The following ATP8A2 variants were observed in gnomAD, a reference collection of about 807,000 sequenced individuals.
The protein encoded by ATP8A2 is phospholipid-transporting ATPase IB.
ATP8A2 carries 100 observed loss-of-function variants against 165.6 expected under a neutral mutation model. That is an observed-to-expected ratio of 0.60 (90% CI 0.51 to 0.71). ATP8A2 has a LOEUF of 0.71. ATP8A2 is among the 30% of genes least tolerant of loss of function. ATP8A2 has a pLI of 0.00. For missense variants in ATP8A2, 1,227 were observed against 1,479.5 expected (o/e 0.83, Z 2.80); for synonymous variants, 543 against 548.8 (o/e 0.99, Z 0.15).
Position 25,401,921 on chromosome 13 carries a change from A to C in ATP8A2, c.76+29633A>C, listed in dbSNP as rs191971820. ...GCCCAGGCTGGAGTGCAGTGGCATG[A>C]TCATAGCTCTCTATAGCCTTGAACT... On this transcript the variant is annotated intron_variant, in intron 1 of 36. Transcript: ENST00000381655. Among the ~76,000 whole-genome samples the C allele has an allele frequency of 2.0e-4, 30 of 152,218 alleles. No homozygotes were observed. In the East Asian group the frequency reaches 5.8e-3, roughly 29 times the overall value.
At chr13:25,601,817 G>T (rs1020958936) in intron 24 of ATP8A2, among the ~76,000 whole-genome samples, 3 of 152,142 alleles carry the variant, frequency 2.0e-5, no homozygotes, top group Non-Finnish European at 4.4e-5. Flanking sequence ...CAAAATGTGG[G>T]TCACATATTT....
intron 30 of ATP8A2, among the ~76,000 whole-genome samples, chr13:25,844,238 T>C (rs371102383): frequency 0.012 from 718 of 61,846 alleles, 7 homozygotes; most frequent in African/African-American, 0.03. Context: ...TTATTACACT[T>C]TTTTTTTTTT....
intron 6 of ATP8A2, among the ~76,000 whole-genome samples, chr13:25,534,529 T>TG (rs1182417112): frequency 6.6e-6 from 1 of 152,196 alleles, no homozygotes; most frequent in East Asian, 1.9e-4. Flanking sequence ...AATGGAGTGA[T>TG]GGTCTCTAAT....
intron 2 of ATP8A2, among the ~76,000 whole-genome samples, chr13:25,490,570 G>C (rs12870253): frequency 6.6e-6 from 1 of 152,020 alleles, no homozygotes. Context: ...GTCTGCCTGA[G>C]GTGCAGGCAA....
At chr13:25,819,122 T>C (rs111822858) in intron 27 of ATP8A2, among the ~76,000 whole-genome samples, 261 of 152,298 alleles carry the variant, frequency 1.7e-3, no homozygotes, top group Non-Finnish European at 2.9e-3. Context: ...TACAAATGTA[T>C]GTAAACATAC....
intron 24 of ATP8A2, among the ~76,000 whole-genome samples, chr13:25,653,793 A>G (rs1215323404): frequency 6.6e-6 from 1 of 152,190 alleles, no homozygotes; most frequent in Non-Finnish European, 1.5e-5. Flanking sequence ...GAGAAGCCAA[A>G]TGAAATCTGT....
At chr13:25,969,598 AT>A (rs1368327180) in intron 35 of ATP8A2, among the ~76,000 whole-genome samples, 2 of 152,342 alleles carry the variant, frequency 1.3e-5, no homozygotes, top group African/African-American at 2.4e-5. Flanking sequence ...AGACAAAATA[AT>A]TTTTTTGTTA....
chr13:25,831,874 C>A (rs1356410676), intron 28 of ATP8A2, among the ~76,000 whole-genome samples: 1 of 152,010 alleles, frequency 6.6e-6, no homozygotes, highest in African/African-American at 2.4e-5. Context: ...AAACAGGCTT[C>A]TTCCTAAGTA....
intron 29 of ATP8A2, 106 bp downstream of exon 29, chr13:25,837,391 A>C: frequency 7.8e-7 from 1 of 1,276,190 alleles, no homozygotes; most frequent in Non-Finnish European, 1.1e-6. Context: ...ACATTTGAGA[A>C]GTGCTGAAAA....
chr13:25,882,926 A>ATGG (rs1491145472), intron 33 of ATP8A2, among the ~76,000 whole-genome samples: 1 of 138,736 alleles, frequency 7.2e-6, no homozygotes, highest in Non-Finnish European at 1.5e-5. Flanking sequence ...GATGATGATG[A>ATGG]TGATGATGAT....
At chr13:25,836,241 GAC>G (rs1438329408) in intron 28 of ATP8A2, among the ~76,000 whole-genome samples, 1 of 152,102 alleles carries the variant, frequency 6.6e-6, no homozygotes, top group Admixed American at 6.5e-5. Context: ...TTAGTTTGAT[GAC>G]ACAGCTCTTA....
intron 25 of ATP8A2, among the ~76,000 whole-genome samples, chr13:25,759,559 A>G (rs761921760): frequency 3.3e-5 from 5 of 152,200 alleles, no homozygotes; most frequent in Non-Finnish European, 7.3e-5. Flanking sequence ...CGCTCCTGAG[A>G]GGGTCTTGGG....
chr13:25,817,100 C>A (rs558791886), intron 27 of ATP8A2, among the ~76,000 whole-genome samples: 116 of 152,212 alleles, frequency 7.6e-4, no homozygotes, highest in African/African-American at 2.8e-3. Flanking sequence ...CATTAATGAA[C>A]GACAGCAGAT....
At chr13:25,968,762 A>C in intron 35 of ATP8A2, 83 bp downstream of exon 35, 2 of 1,197,852 alleles carry the variant, frequency 1.7e-6, no homozygotes, top group Non-Finnish European at 2.4e-6. Context: ...TCTTTTTCTC[A>C]TCTTGGTTTT....
intron 25 of ATP8A2, among the ~76,000 whole-genome samples, chr13:25,713,041 T>G (rs2043186378): frequency 6.6e-6 from 1 of 152,230 alleles, no homozygotes; most frequent in African/African-American, 2.4e-5. Context: ...TAACTTGATT[T>G]ATCTTGTCTC....
intron 24 of ATP8A2, among the ~76,000 whole-genome samples, chr13:25,614,380 A>T (rs2040767674): frequency 6.6e-6 from 1 of 151,428 alleles, no homozygotes; most frequent in African/African-American, 2.4e-5. Context: ...TTTTTTATTT[A>T]TGTTGTCTAT....
chr13:25,492,391 T>C (rs888606876), intron 2 of ATP8A2, among the ~76,000 whole-genome samples: 1 of 152,208 alleles, frequency 6.6e-6, no homozygotes, highest in African/African-American at 2.4e-5. Flanking sequence ...TTTTGCTGTT[T>C]GTTTCTTTTT....
At chr13:25,843,949 G>C (rs1454340642) in intron 30 of ATP8A2, among the ~76,000 whole-genome samples, 1 of 152,172 alleles carries the variant, frequency 6.6e-6, no homozygotes, top group Non-Finnish European at 1.5e-5. Context: ...AGGTAGGAGA[G>C]TTTTGTGATG....
intron 2 of ATP8A2, among the ~76,000 whole-genome samples, chr13:25,514,702 C>T (rs1418880628): frequency 6.6e-6 from 1 of 152,154 alleles, no homozygotes. Context: ...CCCTGATTTC[C>T]TGTGTGAGCT....
Sources: gnomAD v4.1 joint callset for allele counts (sites outside exome capture counted in the v4.1 genomes callset) on GRCh38, gnomAD v4.1.1 for gene constraint, MANE v1.5 for transcripts, NCBI Gene and HGNC (gene_info 2026-07-23, HGNC 2026-07-21) for gene names.